POFUT3: variants seen among roughly 807,000 people sequenced by gnomAD.
The protein encoded by POFUT3 is protein O-fucosyltransferase 3, also known as GDP-fucose protein O-fucosyltransferase 3.
At chr8:33,408,161 A>G in the POFUT3 span, among the ~76,000 whole-genome samples, 1 of 151,486 alleles carries the variant, frequency 6.6e-6, no homozygotes, top group African/African-American at 2.4e-5. Context: ...CTATCTCTAC[A>G]AAAAAAATGT....
At chr8:33,402,494 G>A in the POFUT3 span, among the ~76,000 whole-genome samples, 1 of 152,164 alleles carries the variant, frequency 6.6e-6, no homozygotes, top group Non-Finnish European at 1.5e-5. Context: ...ACAGAACAAA[G>A]CACTGTCCTC....
At chr8:33,385,603 A>G in the POFUT3 span, among the ~76,000 whole-genome samples, 2 of 152,126 alleles carry the variant, frequency 1.3e-5, no homozygotes, top group Non-Finnish European at 2.9e-5. Flanking sequence ...GAAGGAAGGC[A>G]GGGCGCAGTG....
the POFUT3 span, chr8:33,389,711 T>C: frequency 4.3e-5 from 69 of 1,614,072 alleles, no homozygotes; most frequent in Non-Finnish European, 5.5e-5. Flanking sequence ...GAGCTTATAA[T>C]TGTTTTTCGG....
chr8:33,325,661 G>A, the POFUT3 span, among the ~76,000 whole-genome samples: 1 of 152,026 alleles, frequency 6.6e-6, no homozygotes. Context: ...TTAGATACAA[G>A]AATATCTCCT....
the POFUT3 span, among the ~76,000 whole-genome samples, chr8:33,380,015 G>GTATATATATATACTATATATATAC: frequency 1.9e-5 from 1 of 53,488 alleles, no homozygotes; most frequent in Non-Finnish European, 3.0e-5. Context: ...TATATATATA[G>GTATATATATATACTATATATATAC]TATATATATA....
the POFUT3 span, among the ~76,000 whole-genome samples, chr8:33,374,864 TTTTCTTTTC>T: frequency 8.2e-4 from 112 of 135,900 alleles, 1 homozygote; most frequent in African/African-American, 3.3e-3. Context: ...ATTTTCTTTT[TTTTCTTTTC>T]TTTTCTTTTT....
chr8:33,392,346 C>A, the POFUT3 span, among the ~76,000 whole-genome samples: 1 of 151,866 alleles, frequency 6.6e-6, no homozygotes, highest in African/African-American at 2.4e-5. Flanking sequence ...GAGGCCGAGG[C>A]AGGCAGATTA....
chr8:33,456,312 A>T, the POFUT3 span, among the ~76,000 whole-genome samples: 1 of 152,170 alleles, frequency 6.6e-6, no homozygotes, highest in Non-Finnish European at 1.5e-5. Flanking sequence ...GATGCTTTTA[A>T]GGAGAGATTC....
At chr8:33,433,611 C>CAA in the POFUT3 span, among the ~76,000 whole-genome samples, 153 of 140,484 alleles carry the variant, frequency 1.1e-3, no homozygotes, top group Middle Eastern at 3.8e-3. Flanking sequence ...GACTTCGTCT[C>CAA]AAAAAAAAAA....
chr8:33,394,207 A>G, the POFUT3 span: 1 of 220,178 alleles, frequency 4.5e-6, no homozygotes, highest in South Asian at 5.9e-5. Context: ...ATAAAATAAA[A>G]TAAAAATTAC....
the POFUT3 span, among the ~76,000 whole-genome samples, chr8:33,380,189 CTA>C: frequency 3.7e-3 from 147 of 39,890 alleles, 11 homozygotes; most frequent in South Asian, 0.069. Flanking sequence ...TATATATATA[CTA>C]TATATATATA....
chr8:33,362,381 C>T, the POFUT3 span, among the ~76,000 whole-genome samples: 61 of 152,150 alleles, frequency 4.0e-4, 1 homozygote, highest in Middle Eastern at 6.8e-3. Context: ...AAATAACCAG[C>T]GAACATCATA....
chr8:33,326,520 C>A, the POFUT3 span, among the ~76,000 whole-genome samples: 40,538 of 151,972 alleles, frequency 0.27, 5,831 homozygotes, highest in South Asian at 0.5. Context: ...ACATATAGTT[C>A]ATTTAATTGA....
At chr8:33,439,749 C>T in the POFUT3 span, among the ~76,000 whole-genome samples, 1 of 152,098 alleles carries the variant, frequency 6.6e-6, no homozygotes, top group Non-Finnish European at 1.5e-5. Context: ...CACCTATAAT[C>T]CCAACTACTT....
the POFUT3 span, among the ~76,000 whole-genome samples, chr8:33,358,851 GA>G: frequency 2.0e-5 from 3 of 151,766 alleles, no homozygotes; most frequent in Non-Finnish European, 2.9e-5. Flanking sequence ...AAAAAAAAGA[GA>G]AGGAGACCCC....
the POFUT3 span, among the ~76,000 whole-genome samples, chr8:33,447,453 G>C: frequency 6.7e-6 from 1 of 148,274 alleles, no homozygotes; most frequent in East Asian, 2.0e-4. Flanking sequence ...CATCTCAAAG[G>C]AAAAAAAAAA....
the POFUT3 span, among the ~76,000 whole-genome samples, chr8:33,364,965 C>A: frequency 6.6e-6 from 1 of 152,056 alleles, no homozygotes; most frequent in Non-Finnish European, 1.5e-5. Flanking sequence ...AATCTTAAGC[C>A]AAAAGAACAA....
At chr8:33,409,448 G>A in the POFUT3 span, among the ~76,000 whole-genome samples, 6 of 152,082 alleles carry the variant, frequency 3.9e-5, no homozygotes, top group Middle Eastern at 3.2e-3. Context: ...TTCTAAAAGG[G>A]CACTACATTA....
the POFUT3 span, chr8:33,371,807 C>T: frequency 2.0e-5 from 3 of 152,256 alleles, no homozygotes; most frequent in Non-Finnish European, 2.9e-5. Flanking sequence ...CACTTCTACT[C>T]TCGCGCTGCT....
Sources: allele counts gnomAD v4.1 joint callset (sites outside exome capture counted in the v4.1 genomes callset), GRCh38; gene constraint gnomAD v4.1.1; transcripts MANE v1.5; gene names NCBI Gene and HGNC (gene_info 2026-07-23, HGNC 2026-07-21).